PRICKLE1: variants seen among roughly 807,000 people sequenced by gnomAD.
PRICKLE1 encodes prickle planar cell polarity protein 1.
PRICKLE1 carries 14 observed loss-of-function variants against 70.2 expected under a neutral mutation model. That is an observed-to-expected ratio of 0.20 (90% CI 0.13 to 0.31). The LOEUF (loss-of-function observed/expected upper bound fraction) is 0.31. Ranked by LOEUF, PRICKLE1 falls within the 10% of genes least tolerant of loss-of-function variation. The pLI is 1.00. For synonymous variants in PRICKLE1, 357 were observed against 379.9 expected, an observed-to-expected ratio of 0.94 and a Z score of 0.70; for missense variants, 821 against 1,026.2, an observed-to-expected ratio of 0.80 and a Z score of 2.73.
chr12:42,459,611 C>CA lies in PRICKLE1; in HGVS notation c.*197dup, dbSNP rs1363238484. 5.7e-6 allele frequency: 4 copies of CA among 700,012 alleles called. No homozygotes were observed. The African/African-American group carries it at 7.1e-5, about 13-fold the overall frequency. The allele number at this position is 700,012 out of a possible 1,614,324, so 43.4% of individuals were successfully genotyped here. A position where few individuals can be genotyped will look rare whatever the true frequency, so the allele number is the denominator to read the frequency against. ...GGCACGAGATGTCACGTCCACCTGG[C>CA]ACCATCCAAAGAGGGTAAATTGGAG... On this transcript the variant is annotated 3_prime_UTR_variant, in exon 8 of 8. Transcript: ENST00000345127.
intron 1 of PRICKLE1, among the ~76,000 whole-genome samples, chr12:42,557,150 G>A (rs1940426218): frequency 6.6e-6 from 1 of 152,128 alleles, no homozygotes; most frequent in African/African-American, 2.4e-5. Flanking sequence ...CTGGTACATG[G>A]AGTGACTGGT....
chr12:42,472,598 A>G, intron 1 of PRICKLE1, 34 bp from the exon 2 acceptor site: 2 of 1,564,408 alleles, frequency 1.3e-6, no homozygotes, highest in East Asian at 2.2e-5. Context: ...AAAGACATCT[A>G]AAACCTGAAT....
chr12:42,586,498 G>A (rs1940989651), intron 1 of PRICKLE1, among the ~76,000 whole-genome samples: 1 of 151,880 alleles, frequency 6.6e-6, no homozygotes, highest in African/African-American at 2.4e-5. Flanking sequence ...ATAGAGCCAA[G>A]CACCACTACA....
At chr12:42,558,698 G>A (rs1181554478) in intron 1 of PRICKLE1, among the ~76,000 whole-genome samples, 1 of 152,144 alleles carries the variant, frequency 6.6e-6, no homozygotes. Flanking sequence ...GTAATAAAGT[G>A]CTATTTCTTG....
At chr12:42,520,735 G>T (rs925628231) in intron 1 of PRICKLE1, among the ~76,000 whole-genome samples, 2 of 152,156 alleles carry the variant, frequency 1.3e-5, no homozygotes, top group Non-Finnish European at 2.9e-5. Context: ...GATTTGGTTG[G>T]CTAGCAATAC....
At chr12:42,542,242 G>GTTT (rs1293184518) in intron 1 of PRICKLE1, among the ~76,000 whole-genome samples, 1 of 148,468 alleles carries the variant, frequency 6.7e-6, no homozygotes, top group Non-Finnish European at 1.5e-5. Context: ...GTGGTCTTTG[G>GTTT]TTTTTTTTTT....
chr12:42,482,452 C>T (rs1441382545), intron 1 of PRICKLE1, among the ~76,000 whole-genome samples: 1 of 152,162 alleles, frequency 6.6e-6, no homozygotes. Flanking sequence ...ATCGTGTTCT[C>T]CTCAGTCTTC....
chr12:42,515,013 G>A (rs1345187611), intron 1 of PRICKLE1, among the ~76,000 whole-genome samples: 5 of 151,790 alleles, frequency 3.3e-5, no homozygotes, highest in Non-Finnish European at 7.4e-5. Context: ...TGCAACTTCC[G>A]CCTCCCAGGT....
intron 1 of PRICKLE1, among the ~76,000 whole-genome samples, chr12:42,550,643 T>C (rs945121813): frequency 1.3e-5 from 2 of 152,218 alleles, no homozygotes; most frequent in Admixed American, 1.3e-4. Context: ...TGTTTTCAAC[T>C]GCTACTCAGA....
rs969304978 is a variant in PRICKLE1 at position 42,515,369 on chromosome 12, A to T, written c.-48-42805T>A. Among the ~76,000 whole-genome samples the T allele has an allele frequency of 2.6e-5, 4 of 151,144 alleles. No homozygotes were observed. In the East Asian group the frequency reaches 7.8e-4, roughly 30 times the overall value. ...ATTCTCCTGCCTCAGCCTCCCAAGT[A>T]GCTGGGATTACAGGTGTCTGCCACC... is the stretch of plus-strand genomic sequence containing the variant. On this transcript the variant is annotated intron_variant, in intron 1 of 7. Coordinates refer to ENST00000345127, the MANE Select transcript of PRICKLE1 (RefSeq NM_153026.3).
At chr12:42,578,681 T>G (rs1940843555) in intron 1 of PRICKLE1, among the ~76,000 whole-genome samples, 1 of 152,172 alleles carries the variant, frequency 6.6e-6, no homozygotes, top group African/African-American at 2.4e-5. Context: ...CTCTATCTCC[T>G]TTCTAAAAAA....
chr12:42,585,611 T>C (rs1216914371), intron 1 of PRICKLE1, among the ~76,000 whole-genome samples: 1 of 152,148 alleles, frequency 6.6e-6, no homozygotes, highest in Non-Finnish European at 1.5e-5. Context: ...AGAAGTGTCA[T>C]GACATCAGCG....
At chr12:42,471,947 T>G (rs1938339039) in intron 2 of PRICKLE1, among the ~76,000 whole-genome samples, 1 of 152,252 alleles carries the variant, frequency 6.6e-6, no homozygotes, top group Admixed American at 6.5e-5. Context: ...TCAGAGGGTT[T>G]CTGATAGCTC....
At chr12:42,478,105 C>T (rs1364031759) in intron 1 of PRICKLE1, among the ~76,000 whole-genome samples, 1 of 151,928 alleles carries the variant, frequency 6.6e-6, no homozygotes, top group Admixed American at 6.6e-5. Flanking sequence ...CATCATCCTC[C>T]CTCCCTCTCC....
intron 1 of PRICKLE1, among the ~76,000 whole-genome samples, chr12:42,520,911 C>G (rs923698868): frequency 2.0e-5 from 3 of 152,156 alleles, no homozygotes; most frequent in African/African-American, 7.2e-5. Context: ...TGGCTCACGC[C>G]TATAATCCCA....
chr12:42,531,999 A>T (rs1484741404), intron 1 of PRICKLE1, among the ~76,000 whole-genome samples: 2 of 152,042 alleles, frequency 1.3e-5, no homozygotes, highest in African/African-American at 4.8e-5. Flanking sequence ...CTCTACCAAA[A>T]AAATAAATAA....
intron 1 of PRICKLE1, among the ~76,000 whole-genome samples, chr12:42,495,997 T>C (rs1593138157): frequency 6.6e-6 from 1 of 152,264 alleles, no homozygotes; most frequent in African/African-American, 2.4e-5. Context: ...ATGTTCTTAA[T>C]GGCATCTGGA....
intron 1 of PRICKLE1, among the ~76,000 whole-genome samples, chr12:42,520,220 T>C (rs143100047): frequency 2.6e-4 from 40 of 152,306 alleles, no homozygotes; most frequent in African/African-American, 9.6e-4. Context: ...TTATATGTAA[T>C]CTCCACTGGA....
chr12:42,577,430 A>G lies in PRICKLE1; in HGVS notation c.-49+12035T>C, dbSNP rs183087989. On this transcript the variant is annotated intron_variant, in intron 1 of 7. Transcript: ENST00000345127. ...CTATTGTTGAATTTTAACTGGCCAC[A>G]CTGAATAATAAATAAGGCTATAAGT... is the stretch of plus-strand genomic sequence containing the variant. Among the ~76,000 whole-genome samples the G allele has an allele frequency of 8.5e-5, 13 of 152,280 alleles. No individual in the cohort carries two copies. The East Asian group carries it at 1.5e-3, about 18-fold the overall frequency.
Sources: gnomAD v4.1 joint callset for allele counts (sites outside exome capture counted in the v4.1 genomes callset) on GRCh38, gnomAD v4.1.1 for gene constraint, MANE v1.5 for transcripts, NCBI Gene and HGNC (gene_info 2026-07-23, HGNC 2026-07-21) for gene names.